SYBU: variants seen among roughly 807,000 people sequenced by gnomAD.
SYBU encodes GOLSYN A protein.
A neutral mutation model predicts 35.9 loss-of-function variants in SYBU; 21 were observed. The ratio of observed to expected loss-of-function variants is 0.58; its 90% CI spans 0.41 to 0.84. The LOEUF is 0.84. Ranked by LOEUF, SYBU falls within the 40% of genes least tolerant of loss-of-function variation. SYBU has a pLI of 0.00. For missense variants in SYBU, 768 were observed against 848.2 expected (o/e 0.91, Z 1.17); for synonymous variants, 319 against 324.3 (o/e 0.98, Z 0.18).
At chr8:109,687,051 G>T (rs1394010828) in intron 1 of SYBU, among the ~76,000 whole-genome samples, 1 of 152,030 alleles carries the variant, frequency 6.6e-6, no homozygotes, top group African/African-American at 2.4e-5. Context: ...CTAAGGTTCT[G>T]GTCCCAAGAA....
intron 3 of SYBU, among the ~76,000 whole-genome samples, chr8:109,599,297 TTAACA>T (rs1825239689): frequency 6.6e-6 from 1 of 152,204 alleles, no homozygotes; most frequent in African/African-American, 2.4e-5. Flanking sequence ...AAGCAAAAAG[TTAACA>T]TAACAGAAAT....
upstream of SYBU, among the ~76,000 whole-genome samples, chr8:109,683,033 G>T (rs1817436925): frequency 6.6e-6 from 1 of 152,236 alleles, no homozygotes; most frequent in African/African-American, 2.4e-5. Context: ...AGGATGTATG[G>T]AATCACCTGG....
At chr8:109,678,517 T>G (rs1228750185) in intron 1 of SYBU, among the ~76,000 whole-genome samples, 1 of 144,032 alleles carries the variant, frequency 6.9e-6, no homozygotes, top group African/African-American at 2.6e-5. Context: ...CTCTGCTCAC[T>G]GCAACCTTCA....
chr8:109,685,004 T>A (rs903883433), upstream of SYBU, among the ~76,000 whole-genome samples: 2 of 152,184 alleles, frequency 1.3e-5, no homozygotes, highest in African/African-American at 4.8e-5. Flanking sequence ...TCATGAAAAT[T>A]ACAAAAGCTC....
intron 1 of SYBU, among the ~76,000 whole-genome samples, chr8:109,651,125 G>A (rs73321024): frequency 0.064 from 9,793 of 152,226 alleles, 869 homozygotes; most frequent in African/African-American, 0.2. Context: ...GCTGCTGCTG[G>A]AAGCCTAGAA....
chr8:109,586,238 A>G (rs1823607427), intron 3 of SYBU, 76 bp from the exon 4 acceptor site: 15 of 1,084,126 alleles, frequency 1.4e-5, no homozygotes, highest in Non-Finnish European at 1.9e-5. Flanking sequence ...CCTGCCTTCC[A>G]GGTCCCTGCT....
intron 1 of SYBU, among the ~76,000 whole-genome samples, chr8:109,652,068 C>T (rs542351285): frequency 3.9e-5 from 6 of 152,146 alleles, no homozygotes; most frequent in South Asian, 2.1e-4. Flanking sequence ...CCACTAGTTC[C>T]GAAGTATTCA....
At chr8:109,676,698 T>C (rs1421903890) in intron 1 of SYBU, among the ~76,000 whole-genome samples, 1 of 152,156 alleles carries the variant, frequency 6.6e-6, no homozygotes, top group Non-Finnish European at 1.5e-5. Context: ...ATATAAATGA[T>C]TGAGAATTCA....
At chr8:109,642,120 A>G (rs562916863) in intron 2 of SYBU, among the ~76,000 whole-genome samples, 3 of 152,388 alleles carry the variant, frequency 2.0e-5, no homozygotes, top group Admixed American at 2.0e-4. Context: ...AATACTATGC[A>G]GCCACAGAAA....
At chr8:109,617,206 T>C (rs1811905516) in intron 3 of SYBU, among the ~76,000 whole-genome samples, 1 of 152,162 alleles carries the variant, frequency 6.6e-6, no homozygotes, top group South Asian at 2.1e-4. Context: ...ATTGTAAACA[T>C]TATTCTAAGG....
intron 2 of SYBU, among the ~76,000 whole-genome samples, chr8:109,637,969 G>T (rs1435371325): frequency 6.6e-6 from 1 of 152,154 alleles, no homozygotes; most frequent in Non-Finnish European, 1.5e-5. Flanking sequence ...AAGAATCTCA[G>T]ATTTTGACCA....
intron 5 of SYBU, among the ~76,000 whole-genome samples, chr8:109,578,233 G>A (rs1216786190): frequency 1.3e-5 from 2 of 152,088 alleles, no homozygotes; most frequent in East Asian, 3.9e-4. Flanking sequence ...TCTTATAAAA[G>A]GAACCCCAGA....
intron 1 of SYBU, among the ~76,000 whole-genome samples, chr8:109,671,188 T>C (rs1012325822): frequency 1.3e-5 from 2 of 152,244 alleles, no homozygotes; most frequent in Non-Finnish European, 2.9e-5. Flanking sequence ...AAAATATTTA[T>C]GTCAAAATCA....
At chr8:109,625,086 T>C (rs1486730735) in intron 2 of SYBU, among the ~76,000 whole-genome samples, 1 of 152,128 alleles carries the variant, frequency 6.6e-6, no homozygotes, top group Non-Finnish European at 1.5e-5. Context: ...ATGTTAATCA[T>C]GTTAGAAATG....
intron 3 of SYBU, among the ~76,000 whole-genome samples, chr8:109,611,684 G>A (rs1336708238): frequency 6.6e-6 from 1 of 152,176 alleles, no homozygotes; most frequent in Non-Finnish European, 1.5e-5. Flanking sequence ...ATGATATGCA[G>A]GGTAGCACAT....
chr8:109,621,076 C>T (rs1006996938), intron 2 of SYBU, among the ~76,000 whole-genome samples: 1 of 152,164 alleles, frequency 6.6e-6, no homozygotes, highest in Non-Finnish European at 1.5e-5. Context: ...GATGTCCCCA[C>T]AAAATAAAAA....
At chr8:109,677,001 TTC>T (rs1230501989) in intron 1 of SYBU, among the ~76,000 whole-genome samples, 2 of 152,024 alleles carry the variant, frequency 1.3e-5, no homozygotes, top group African/African-American at 2.4e-5. Context: ...GAGTCTCCAT[TTC>T]TCTCTCTTTT....
rs370017185 is a variant in SYBU, at chr8:109,619,169, A to T, written c.230-130T>A. On this transcript the variant is annotated intron_variant, in intron 2 of 6. Transcript: ENST00000276646. The stretch of plus-strand genomic sequence containing the variant: ...ACACTCTGCTTATGAAGCCCAGGTT[A>T]ACTGCTGTGGACTCTCCTCTCATGA... 2.5e-5 allele frequency: 17 copies of T among 677,758 alleles called. No homozygotes were observed. The East Asian group carries it at 3.3e-4, about 13-fold the overall frequency. The allele number at this position is 677,758 out of a possible 1,614,324, so 42.0% of individuals were successfully genotyped here.
intron 3 of SYBU, among the ~76,000 whole-genome samples, chr8:109,610,037 T>C (rs1457482470): frequency 6.6e-6 from 1 of 152,140 alleles, no homozygotes; most frequent in Non-Finnish European, 1.5e-5. Context: ...AGACTTCAGC[T>C]GCTACCACTC....
Sources: allele counts gnomAD v4.1 joint callset (sites outside exome capture counted in the v4.1 genomes callset), GRCh38; gene constraint gnomAD v4.1.1; transcripts MANE v1.5; gene names NCBI Gene and HGNC (gene_info 2026-07-23, HGNC 2026-07-21).